Variants in BMP2K observed in about 807,000 individuals in gnomAD.
The protein encoded by BMP2K is BMP2 inducible kinase, also known as BMP-2-inducible protein kinase.
Under a neutral mutation model 116.0 loss-of-function variants are expected in BMP2K, and 74 were observed. The observed-to-expected ratio is 0.64, with a 90% CI of 0.53 to 0.77. BMP2K has a LOEUF of 0.77. Ranked by LOEUF, BMP2K falls within the 30% of genes least tolerant of loss-of-function variation. BMP2K has a pLI of 0.00. For missense variants in BMP2K, 1,365 were observed against 1,403.6 expected, an observed-to-expected ratio of 0.97 and a Z score of 0.44; for synonymous variants, 486 against 502.5, an observed-to-expected ratio of 0.97 and a Z score of 0.44.
rs571775229 is a variant in BMP2K at position 78,842,348 on chromosome 4, T to A, written c.404-37T>A. On this transcript the variant is annotated intron_variant, in intron 3 of 15. Transcript: ENST00000502613. The stretch of plus-strand genomic sequence containing the variant: ...TTTGCTTGTGATAGACTTTATTTAT[T>A]AAAAATATGTCCTCTCAAAATTACT... 5.6e-5 allele frequency: 86 copies of A among 1,525,842 alleles called. No individual in the cohort carries two copies. The East Asian group carries it at 1.7e-3, about 30-fold the overall frequency. 94.5% of individuals were successfully genotyped at this position (1,525,842 alleles called of 1,614,324 possible). A position where few individuals can be genotyped will look rare whatever the true frequency, so the allele number is the denominator to read the frequency against.
chr4:78,915,904 T>TAGAA lies in BMP2K; in HGVS notation c.*3872_*3875dup, dbSNP rs1560565710. Reference sequence around the variant, plus strand: ...GAAAAGTCATCTAATAGAAGCTGTATAGAAGCTACTTTTTAATTGCTGGCA... The same window carrying TAGAA: ...GAAAAGTCATCTAATAGAAGCTGTATAGAAAGAAGCTACTTTTTAATTGCTGGCA... On this transcript the variant is annotated 3_prime_UTR_variant, in exon 16 of 16. Transcript: ENST00000502613. 6.6e-6 allele frequency: 1 copy of TAGAA among 152,000 alleles called. No homozygotes were observed. Among genetic ancestry groups the TAGAA allele is most frequent in the Non-Finnish European group, 1.5e-5 (1 of 67,906 alleles). 9.4% of individuals were successfully genotyped at this position (152,000 alleles called of 1,614,324 possible). A position where few individuals can be genotyped will look rare whatever the true frequency, so the allele number is the denominator to read the frequency against.
chr4:78,792,788 TG>T (rs1478168356), intron 1 of BMP2K, among the ~76,000 whole-genome samples: 3 of 152,238 alleles, frequency 2.0e-5, no homozygotes, highest in Non-Finnish European at 4.4e-5. Flanking sequence ...TTCAGTGATG[TG>T]GTTTTAGATT....
At chr4:78,786,964 G>C (rs1727761307) in intron 1 of BMP2K, among the ~76,000 whole-genome samples, 1 of 151,992 alleles carries the variant, frequency 6.6e-6, no homozygotes, top group African/African-American at 2.4e-5. Flanking sequence ...ACGTTATCCA[G>C]GCTGGTTTTG....
chr4:78,863,653 C>G (rs1222387919), intron 9 of BMP2K, among the ~76,000 whole-genome samples: 1 of 152,120 alleles, frequency 6.6e-6, no homozygotes, highest in Non-Finnish European at 1.5e-5. Flanking sequence ...AAAAACAGCT[C>G]TGTGACTGTT....
chr4:78,826,248 C>A, intron 2 of BMP2K, 93 bp downstream of exon 2: 1 of 965,666 alleles, frequency 1.0e-6, no homozygotes, highest in Non-Finnish European at 1.6e-6. Context: ...CACGCCCAGG[C>A]TGGAGCGCAG....
At chr4:78,886,571 G>C (rs1406838455) in intron 14 of BMP2K, among the ~76,000 whole-genome samples, 1 of 152,102 alleles carries the variant, frequency 6.6e-6, no homozygotes, top group Non-Finnish European at 1.5e-5. Flanking sequence ...TTGGCACATA[G>C]TAGATACTAA....
intron 8 of BMP2K, chr4:78,860,016 T>G (rs1731693933): frequency 9.6e-6 from 3 of 311,594 alleles, no homozygotes; most frequent in African/African-American, 2.4e-5. Flanking sequence ...GGACTGTTAG[T>G]TTTTTTTTTT....
At chr4:78,890,963 G>A (rs1239485678) in intron 15 of BMP2K, among the ~76,000 whole-genome samples, 2 of 152,210 alleles carry the variant, frequency 1.3e-5, no homozygotes, top group African/African-American at 2.4e-5. Flanking sequence ...GGGAGGCTGA[G>A]GTGGGAGGAT....
In BMP2K at chr4:78,867,917, G is replaced by A. The variant is rs182704656; in HGVS notation, c.1231+2197G>A. On this transcript the variant is annotated intron_variant, in intron 10 of 15. Transcript: ENST00000502613. ...TCTACTAAAAGTACAAAAATTAGCTGGGTGTAGTGGCATATGCCTGTAATC... is the reference window on the plus strand; with the variant it reads ...TCTACTAAAAGTACAAAAATTAGCTAGGTGTAGTGGCATATGCCTGTAATC... Among the ~76,000 whole-genome samples the A allele has an allele frequency of 4.7e-3, 723 of 152,228 alleles. 5 individuals are homozygous for A. The highest frequency in any genetic ancestry group is 0.016 in the African/African-American group (668 of 41,540).
In BMP2K at chr4:78,914,467, G is replaced by GTA. The variant is rs1734871771; in HGVS notation, c.*2434_*2435insTA. ...GTTGTAGTAGAGGCATTTTCCTAAGGAGTATAGATTTATACTTTGCATTTT... is the reference window on the plus strand; with the variant it reads ...GTTGTAGTAGAGGCATTTTCCTAAGGTAAGTATAGATTTATACTTTGCATTTT... On this transcript the variant is annotated 3_prime_UTR_variant, in exon 16 of 16. Transcript: ENST00000502613. The GTA allele has an allele frequency of 6.6e-6, 1 of 151,910 alleles. No homozygotes were observed. Among genetic ancestry groups the GTA allele is most frequent in the Non-Finnish European group, 1.5e-5 (1 of 67,898 alleles). 9.4% of individuals were successfully genotyped at this position (151,910 alleles called of 1,614,324 possible).
At chr4:78,803,376 T>G (rs1578479797) in intron 1 of BMP2K, among the ~76,000 whole-genome samples, 1 of 152,128 alleles carries the variant, frequency 6.6e-6, no homozygotes, top group African/African-American at 2.4e-5. Context: ...AGTAGCTTTA[T>G]TTTTGTTTCA....
At chr4:78,888,961 C>T (rs1178399559) in intron 15 of BMP2K, among the ~76,000 whole-genome samples, 1 of 152,106 alleles carries the variant, frequency 6.6e-6, no homozygotes, top group African/African-American at 2.4e-5. Flanking sequence ...GTGGCTTGCG[C>T]CTGTAATCCC....
At chr4:78,860,152 A>G in intron 8 of BMP2K, 2 of 472,262 alleles carry the variant, frequency 4.2e-6, no homozygotes, top group South Asian at 3.2e-5. Context: ...GTACGCATAG[A>G]TATAGACAGT....
At chr4:78,839,312 A>G (rs556803422) in intron 3 of BMP2K, among the ~76,000 whole-genome samples, 1 of 152,314 alleles carries the variant, frequency 6.6e-6, no homozygotes, top group South Asian at 2.1e-4. Flanking sequence ...TGTGGATGAT[A>G]GAAACATAAG....
Position 78,915,262 on chromosome 4 carries a change from C to CT in BMP2K, c.*3230dup, listed in dbSNP as rs1734945203. On this transcript the variant is annotated 3_prime_UTR_variant, in exon 16 of 16. Coordinates refer to ENST00000502613, the MANE Select transcript of BMP2K (RefSeq NM_198892.2). The stretch of plus-strand genomic sequence containing the variant: ...TGTTGTCCTCTTGCTGGTGGAAAAT[C>CT]TAAGGTGGAGCCCACTCTTCTATGC... 1 of 151,944 alleles carries CT rather than the reference C, an allele frequency of 6.6e-6. No homozygotes were observed. Among genetic ancestry groups the CT allele is most frequent in the Non-Finnish European group, 1.5e-5 (1 of 67,908 alleles). 9.4% of individuals were successfully genotyped at this position (151,944 alleles called of 1,614,324 possible).
At chr4:78,784,195 GTTTCATATACATCCAA>G (rs1727632466) in intron 1 of BMP2K, among the ~76,000 whole-genome samples, 1 of 152,104 alleles carries the variant, frequency 6.6e-6, no homozygotes. Context: ...ACTTGAAGTA[GTTTCATATACATCCAA>G]TAGAGCTCAT....
intron 14 of BMP2K, among the ~76,000 whole-genome samples, chr4:78,883,235 T>C (rs868086600): frequency 1.3e-5 from 2 of 152,114 alleles, no homozygotes; most frequent in Non-Finnish European, 2.9e-5. Flanking sequence ...AAACCAGTCA[T>C]TTGAAAATGT....
intron 5 of BMP2K, 56 bp from the exon 6 acceptor site, chr4:78,847,132 T>C: frequency 1.0e-6 from 1 of 1,003,392 alleles, no homozygotes; most frequent in African/African-American, 1.7e-5. Flanking sequence ...GTATTATCTG[T>C]CTTTTTTTTA....
chr4:78,795,821 C>A (rs965133510), intron 1 of BMP2K, among the ~76,000 whole-genome samples: 3 of 152,094 alleles, frequency 2.0e-5, no homozygotes, highest in Non-Finnish European at 4.4e-5. Context: ...CAGAGAAATG[C>A]AAATCAAAAC....
Sources: allele counts gnomAD v4.1 joint callset (sites outside exome capture counted in the v4.1 genomes callset), GRCh38; gene constraint gnomAD v4.1.1; transcripts MANE v1.5; gene names NCBI Gene and HGNC (gene_info 2026-07-23, HGNC 2026-07-21).